Variants in WWTR1 observed in about 807,000 individuals in gnomAD.
The protein encoded by WWTR1 is WW domain containing transcription regulator 1, also known as WW domain-containing transcription regulator protein 1.
WWTR1 carries 13 observed loss-of-function variants against 40.1 expected under a neutral mutation model. The ratio of observed to expected loss-of-function variants is 0.32; its 90% confidence interval spans 0.21 to 0.52. The LOEUF is 0.52. WWTR1 is among the 20% of genes least tolerant of loss of function. The pLI, the probability that WWTR1 is intolerant of heterozygous loss-of-function variation, is 0.97. For synonymous variants in WWTR1, 230 were observed against 210.1 expected (o/e 1.09, Z -0.82); for missense variants, 436 against 523.1 (o/e 0.83, Z 1.63).
chr3:149,521,034 C>A (rs146632470), intron 6 of WWTR1, 45 bp from the exon 7 acceptor site: 43 of 1,528,632 alleles, frequency 2.8e-5, no homozygotes, highest in Non-Finnish European at 3.8e-5. Flanking sequence ...TTCTTTTAGG[C>A]TCTTGAAGGA....
chr3:149,577,726 C>T (rs960147533), intron 2 of WWTR1, among the ~76,000 whole-genome samples: 4 of 152,132 alleles, frequency 2.6e-5, no homozygotes, highest in South Asian at 2.1e-4. Flanking sequence ...TCCAGAAAGA[C>T]GCAAATGTAG....
intron 3 of WWTR1, among the ~76,000 whole-genome samples, chr3:149,557,550 A>G (rs1269254152): frequency 6.6e-6 from 1 of 152,106 alleles, no homozygotes; most frequent in Non-Finnish European, 1.5e-5. Flanking sequence ...AGAGCATATT[A>G]TCTTCTTTAC....
At chr3:149,724,764 C>G (rs1483651857) in exon 3 of WWTR1, 2 of 151,886 alleles carry the variant, frequency 1.3e-5, no homozygotes, top group African/African-American at 2.4e-5. Flanking sequence ...GGGAGAGCAT[C>G]CAGTTCCATC....
At chr3:149,628,589 C>T (rs966024791) in intron 2 of WWTR1, among the ~76,000 whole-genome samples, 1 of 152,072 alleles carries the variant, frequency 6.6e-6, no homozygotes, top group Non-Finnish European at 1.5e-5. Context: ...TATCCTTGTC[C>T]GCAGGATAGA....
chr3:149,719,990 T>G (rs752932564), intron 4 of WWTR1, among the ~76,000 whole-genome samples: 3 of 152,236 alleles, frequency 2.0e-5, no homozygotes, highest in Non-Finnish European at 2.9e-5. Flanking sequence ...TTGTTGAGTT[T>G]TAGGAGTTCT....
chr3:149,699,671 A>G (rs117711781), intron 1 of WWTR1, among the ~76,000 whole-genome samples: 2,105 of 152,336 alleles, frequency 0.014, 32 homozygotes, highest in East Asian at 0.063. Flanking sequence ...GTTAGGGCAT[A>G]ACATGAGTAA....
At chr3:149,607,293 A>G (rs1739531998) in intron 2 of WWTR1, among the ~76,000 whole-genome samples, 1 of 152,176 alleles carries the variant, frequency 6.6e-6, no homozygotes, top group African/African-American at 2.4e-5. Flanking sequence ...GGTTAACTTC[A>G]GTGACCTTTG....
rs185122590 is a variant in WWTR1, at chr3:149,567,593, A to G, written c.568+5271T>C. 2.4e-4 allele frequency among the ~76,000 whole-genome samples: 37 copies of G among 152,346 alleles called. No individual in the cohort carries two copies. In the East Asian group the frequency reaches 6.0e-3, roughly 25 times the overall value. ...AATGGCTTTCTAACAGAGCATATCA[A>G]AGGATCTTCCTCTGATTACACAGGA... On this transcript the variant is annotated intron_variant, in intron 3 of 6. Transcript: ENST00000360632.
intron 1 of WWTR1, chr3:149,701,865 T>C: frequency 5.6e-6 from 1 of 178,216 alleles, no homozygotes; most frequent in Non-Finnish European, 1.2e-5. Context: ...GTGCATATGT[T>C]ATACGCAGAC....
At position 149,525,998 on chromosome 3, in the gene WWTR1, A is replaced by G. The variant is rs959694219; in HGVS notation, c.1018+15T>C. ...ACACAAACCCATTGTAAGTGCTTGCAGGCTTTGCTCCTACCTGTATCCATC... is the reference window on the plus strand; with the variant it reads ...ACACAAACCCATTGTAAGTGCTTGCGGGCTTTGCTCCTACCTGTATCCATC... On this transcript the variant is annotated intron_variant, in intron 6 of 6. Transcript: ENST00000360632. 2 of 1,512,984 alleles carry G rather than the reference A, an allele frequency of 1.3e-6. No homozygotes were observed. Among genetic ancestry groups the G allele is most frequent in the Non-Finnish European group, 1.8e-6 (2 of 1,121,372 alleles). 93.7% of individuals were successfully genotyped at this position (1,512,984 alleles called of 1,614,324 possible).
chr3:149,558,436 T>A (rs1736940183), intron 3 of WWTR1, among the ~76,000 whole-genome samples: 1 of 152,212 alleles, frequency 6.6e-6, no homozygotes, highest in Non-Finnish European at 1.5e-5. Flanking sequence ...GGCCATACCT[T>A]ATAGAGACCT....
intron 1 of WWTR1, among the ~76,000 whole-genome samples, chr3:149,696,524 T>C (rs537103089): frequency 6.6e-6 from 1 of 152,198 alleles, no homozygotes; most frequent in African/African-American, 2.4e-5. Flanking sequence ...GTTATAACAA[T>C]GCCCTGTACA....
chr3:149,679,359 G>A (rs1186573047), intron 1 of WWTR1, among the ~76,000 whole-genome samples: 3 of 152,028 alleles, frequency 2.0e-5, no homozygotes, highest in African/African-American at 7.2e-5. Context: ...TACCTTTTAG[G>A]GTTATTTTGA....
At position 149,646,136 on chromosome 3, in the gene WWTR1, A is replaced by G. The variant is rs557788186; in HGVS notation, c.431+10740T>C. ...TGGTTGATGCAAAAATTATAGCTAG[A>G]AGGATGGATGGAAAAATAAAACGAT... On this transcript the variant is annotated intron_variant, in intron 2 of 6. Transcript: ENST00000360632. 3.9e-5 allele frequency among the ~76,000 whole-genome samples: 6 copies of G among 152,352 alleles called. 1 individual carries two copies. The highest frequency in any genetic ancestry group is 3.9e-4 in the Admixed American group (6 of 15,308).
At chr3:149,715,534 C>G (rs75021927) in intron 5 of WWTR1, among the ~76,000 whole-genome samples, 3,018 of 152,334 alleles carry the variant, frequency 0.02, 66 homozygotes, top group South Asian at 0.092. Context: ...CGCTCCACAC[C>G]TGACTCAGTC....
chr3:149,611,776 C>T (rs554055939), intron 2 of WWTR1, among the ~76,000 whole-genome samples: 2 of 152,310 alleles, frequency 1.3e-5, no homozygotes, highest in Non-Finnish European at 2.9e-5. Flanking sequence ...AGAGTGTTTG[C>T]TAGCTTACTG....
intron 2 of WWTR1, among the ~76,000 whole-genome samples, chr3:149,650,709 C>G (rs1426710230): frequency 6.6e-6 from 1 of 152,124 alleles, no homozygotes; most frequent in African/African-American, 2.4e-5. Context: ...ATCTAGATTC[C>G]AAACAATAAA....
At chr3:149,695,835 G>A (rs545976899) in intron 1 of WWTR1, among the ~76,000 whole-genome samples, 2 of 149,422 alleles carry the variant, frequency 1.3e-5, no homozygotes, top group African/African-American at 4.9e-5. Context: ...ACAGGAGGCC[G>A]GACGCAGTGG....
chr3:149,579,747 A>G (rs139218999), intron 2 of WWTR1, among the ~76,000 whole-genome samples: 61 of 152,334 alleles, frequency 4.0e-4, no homozygotes, highest in African/African-American at 1.4e-3. Flanking sequence ...GATTTTTAAA[A>G]CTTTTTTGAT....
Sources: allele counts gnomAD v4.1 joint callset (sites outside exome capture counted in the v4.1 genomes callset), GRCh38; gene constraint gnomAD v4.1.1; transcripts MANE v1.5; gene names NCBI Gene and HGNC (gene_info 2026-07-23, HGNC 2026-07-21).